The following MYO1E variants were observed in gnomAD, a reference collection of about 807,000 sequenced individuals.
MYO1E encodes unconventional myosin-Ie.
MYO1E carries 68 observed loss-of-function variants against 151.1 expected under a neutral mutation model. The observed-to-expected ratio is 0.45, with a 90% confidence interval of 0.37 to 0.55. The LOEUF (loss-of-function observed/expected upper bound fraction) is 0.55. Ranked by LOEUF, MYO1E falls within the 20% of genes least tolerant of loss-of-function variation. The probability of loss-of-function intolerance (pLI) is 0.00; values close to 1 mark genes in which losing one functional copy is unlikely to be tolerated. For missense variants in MYO1E, 1,363 were observed against 1,389.3 expected (o/e 0.98, Z 0.30); for synonymous variants, 601 against 501.7 (o/e 1.20, Z -2.64).
intron 1 of MYO1E, among the ~76,000 whole-genome samples, chr15:59,335,549 T>C (rs1056139622): frequency 2.6e-5 from 4 of 152,198 alleles, no homozygotes; most frequent in Admixed American, 1.3e-4. Context: ...TTTTCACCAT[T>C]GTCCCACACA....
intron 9 of MYO1E, among the ~76,000 whole-genome samples, chr15:59,220,760 AAT>A (rs1167950407): frequency 6.6e-6 from 1 of 151,690 alleles, no homozygotes; most frequent in Non-Finnish European, 1.5e-5. Context: ...ACAACAGATA[AAT>A]AAAGTGTAGC....
At chr15:59,331,742 A>G (rs1306258701) in intron 1 of MYO1E, among the ~76,000 whole-genome samples, 1 of 152,218 alleles carries the variant, frequency 6.6e-6, no homozygotes, top group Admixed American at 6.5e-5. Flanking sequence ...AAGTATAAAT[A>G]ACTCTGTTAA....
intron 26 of MYO1E, among the ~76,000 whole-genome samples, chr15:59,143,340 G>A (rs976721112): frequency 6.6e-6 from 1 of 152,164 alleles, no homozygotes; most frequent in Non-Finnish European, 1.5e-5. Context: ...GATGGCAGCC[G>A]GGAGGAGTGG....
At chr15:59,163,328 C>G (rs766585696) in intron 22 of MYO1E, 25 bp from the exon 23 acceptor site, 1 of 1,608,570 alleles carries the variant, frequency 6.2e-7, no homozygotes, top group South Asian at 1.1e-5. Flanking sequence ...GACAAACACA[C>G]TTGGTGAAAG....
chr15:59,144,208 G>A (rs1039491710), intron 26 of MYO1E, among the ~76,000 whole-genome samples: 3 of 151,538 alleles, frequency 2.0e-5, no homozygotes, highest in South Asian at 2.1e-4. Flanking sequence ...ACTCTATGAC[G>A]CAGGCTGGAG....
At chr15:59,265,994 A>T (rs1474324988) in intron 2 of MYO1E, among the ~76,000 whole-genome samples, 3 of 152,028 alleles carry the variant, frequency 2.0e-5, no homozygotes, top group African/African-American at 7.2e-5. Flanking sequence ...AGTCTCAAAA[A>T]ATAAAATGGC....
At chr15:59,330,622 C>T (rs891739029) in intron 1 of MYO1E, among the ~76,000 whole-genome samples, 3 of 152,156 alleles carry the variant, frequency 2.0e-5, no homozygotes, top group Non-Finnish European at 2.9e-5. Context: ...CTTGATTCAA[C>T]TTGCAGGTAT....
intron 2 of MYO1E, among the ~76,000 whole-genome samples, chr15:59,263,022 G>A (rs970849068): frequency 4.9e-5 from 7 of 142,852 alleles, no homozygotes; most frequent in Admixed American, 4.2e-4. Flanking sequence ...TGACTTCATG[G>A]AGAAAAAAAA....
chr15:59,344,468 A>G (rs1388900032), intron 1 of MYO1E, among the ~76,000 whole-genome samples: 1 of 152,210 alleles, frequency 6.6e-6, no homozygotes. Context: ...TCTGACCTGA[A>G]GCCAGCACAA....
intron 1 of MYO1E, among the ~76,000 whole-genome samples, chr15:59,288,243 A>T (rs2080398720): frequency 6.6e-6 from 1 of 152,048 alleles, no homozygotes; most frequent in Non-Finnish European, 1.5e-5. Context: ...TGGTGTGATC[A>T]CAGCTCACTG....
At chr15:59,330,666 T>TA (rs2080692603) in intron 1 of MYO1E, among the ~76,000 whole-genome samples, 1 of 152,204 alleles carries the variant, frequency 6.6e-6, no homozygotes, top group South Asian at 2.1e-4. Flanking sequence ...TTTAATATTA[T>TA]AAGTGCACCT....
chr15:59,158,951 C>T (rs1170976353), intron 24 of MYO1E, among the ~76,000 whole-genome samples: 1 of 152,162 alleles, frequency 6.6e-6, no homozygotes, highest in Non-Finnish European at 1.5e-5. Flanking sequence ...CACTGTGGGT[C>T]ACAGTCAGGG....
At chr15:59,345,253 GA>G (rs150781612) in intron 1 of MYO1E, among the ~76,000 whole-genome samples, 27,260 of 139,632 alleles carry the variant, frequency 0.2, 3,104 homozygotes, top group African/African-American at 0.33. Context: ...GAGAGAGAGA[GA>G]AAAAAAAAAA....
At chr15:59,358,124 T>C (rs758788992) in intron 1 of MYO1E, among the ~76,000 whole-genome samples, 10 of 152,166 alleles carry the variant, frequency 6.6e-5, no homozygotes, top group Admixed American at 1.3e-4. Context: ...CTTGTCTCCA[T>C]AGAGCAGACA....
intron 1 of MYO1E, among the ~76,000 whole-genome samples, chr15:59,362,312 T>C (rs2080890395): frequency 6.6e-6 from 1 of 152,228 alleles, no homozygotes; most frequent in Non-Finnish European, 1.5e-5. Context: ...GTGACACCTA[T>C]GCATATTGAT....
intron 1 of MYO1E, among the ~76,000 whole-genome samples, chr15:59,310,593 C>A (rs1045390449): frequency 6.6e-6 from 1 of 152,168 alleles, no homozygotes; most frequent in Non-Finnish European, 1.5e-5. Context: ...CCCCAACCTT[C>A]GGAAGGAGCG....
intron 1 of MYO1E, among the ~76,000 whole-genome samples, chr15:59,368,348 G>A (rs1340906911): frequency 6.6e-6 from 1 of 152,054 alleles, no homozygotes; most frequent in East Asian, 1.9e-4. Flanking sequence ...GGGCACAGTG[G>A]CTCATGCCTG....
intron 1 of MYO1E, among the ~76,000 whole-genome samples, chr15:59,283,102 G>A (rs2080367273): frequency 6.6e-6 from 1 of 150,934 alleles, no homozygotes; most frequent in African/African-American, 2.4e-5. Context: ...CGGGCGGTCA[G>A]AGGACAGTGG....
At chr15:59,203,095 T>C (rs1399029815) in intron 15 of MYO1E, among the ~76,000 whole-genome samples, 2 of 152,206 alleles carry the variant, frequency 1.3e-5, no homozygotes, top group Admixed American at 6.5e-5. Flanking sequence ...CAGGGAATTA[T>C]ATGAAATGTC....
Sources: gnomAD v4.1 joint callset for allele counts (sites outside exome capture counted in the v4.1 genomes callset) on GRCh38, gnomAD v4.1.1 for gene constraint, MANE v1.5 for transcripts, NCBI Gene and HGNC (gene_info 2026-07-23, HGNC 2026-07-21) for gene names.